DIAPH3: variants seen among roughly 807,000 people sequenced by gnomAD.
The protein encoded by DIAPH3 is protein diaphanous homolog 3.
Under a neutral mutation model 144.3 loss-of-function variants are expected in DIAPH3, and 117 were observed. The ratio of observed to expected loss-of-function variants is 0.81; its 90% CI spans 0.70 to 0.95. The LOEUF is 0.95. Ranked by LOEUF, DIAPH3 falls within the 40% of genes least tolerant of loss-of-function variation. The probability of loss-of-function intolerance (pLI) is 0.00; values close to 1 mark genes in which losing one functional copy is unlikely to be tolerated. For missense variants in DIAPH3, 1,421 were observed against 1,412.7 expected (o/e 1.01, Z -0.09); for synonymous variants, 519 against 488.9 (o/e 1.06, Z -0.81).
At chr13:59,756,331 TA>T (rs532116927) in intron 27 of DIAPH3, among the ~76,000 whole-genome samples, 16 of 151,932 alleles carry the variant, frequency 1.1e-4, no homozygotes, top group Admixed American at 2.6e-4. Context: ...ACATAAACTT[TA>T]AAAAAGTTAT....
intron 20 of DIAPH3, among the ~76,000 whole-genome samples, chr13:59,909,771 T>C (rs779748606): frequency 1.3e-5 from 2 of 152,142 alleles, no homozygotes; most frequent in Non-Finnish European, 2.9e-5. Flanking sequence ...CCAGATTAAG[T>C]TTGAGTTGAC....
intron 18 of DIAPH3, among the ~76,000 whole-genome samples, chr13:59,922,816 TA>T (rs1187825796): frequency 1.3e-5 from 2 of 152,142 alleles, no homozygotes; most frequent in African/African-American, 4.8e-5. Flanking sequence ...ATACTCTAGC[TA>T]AATTAAACAA....
chr13:59,928,055 C>T (rs527826858), intron 17 of DIAPH3, among the ~76,000 whole-genome samples: 18 of 152,206 alleles, frequency 1.2e-4, no homozygotes, highest in African/African-American at 3.1e-4. Flanking sequence ...CCACATGTCA[C>T]GCAGACTTTT....
intron 1 of DIAPH3, among the ~76,000 whole-genome samples, 192 bp from the exon 2 acceptor site, chr13:60,133,181 G>A (rs1339522014): frequency 6.6e-6 from 1 of 151,848 alleles, no homozygotes; most frequent in Non-Finnish European, 1.5e-5. Context: ...CCCTGCGTGT[G>A]ATAGTTCCAA....
intron 17 of DIAPH3, among the ~76,000 whole-genome samples, chr13:59,942,407 T>C (rs1442197994): frequency 3.3e-5 from 5 of 152,154 alleles, no homozygotes; most frequent in African/African-American, 1.2e-4. Context: ...AAGTTGCCTT[T>C]TTATTTTCTA....
chr13:60,163,446 G>T, intron 1 of DIAPH3, 141 bp downstream of exon 1: 1 of 1,186,404 alleles, frequency 8.4e-7, no homozygotes, highest in Non-Finnish European at 1.2e-6. Context: ...AACTAGACCC[G>T]GTCGTTGTCA....
chr13:60,040,226 C>CAAAAAA (rs5803983), intron 5 of DIAPH3, among the ~76,000 whole-genome samples: 34 of 34,816 alleles, frequency 9.8e-4, no homozygotes, highest in Admixed American at 1.9e-3. Context: ...GACTCCATCT[C>CAAAAAA]AAAAAAAAAA....
intron 3 of DIAPH3, among the ~76,000 whole-genome samples, chr13:60,097,519 G>C (rs545308898): frequency 6.6e-6 from 1 of 152,254 alleles, no homozygotes; most frequent in Admixed American, 6.5e-5. Flanking sequence ...GCAGATGCTG[G>C]TCCCATGCTT....
At chr13:59,827,396 A>G (rs1302832847) in intron 24 of DIAPH3, among the ~76,000 whole-genome samples, 1 of 152,100 alleles carries the variant, frequency 6.6e-6, no homozygotes, top group Non-Finnish European at 1.5e-5. Flanking sequence ...CATTTTTAAT[A>G]AGTATAATTT....
At chr13:59,979,948 T>C (rs1409793454) in intron 14 of DIAPH3, among the ~76,000 whole-genome samples, 3 of 151,804 alleles carry the variant, frequency 2.0e-5, no homozygotes, top group East Asian at 1.9e-4. Flanking sequence ...AAAAGTCTAA[T>C]AGGTACTTGC....
rs1032407789 is a variant in DIAPH3, at chr13:59,723,484, C to A, written c.3319+50705G>T. On this transcript the variant is annotated intron_variant, in intron 27 of 27. Coordinates refer to ENST00000400324, the MANE Select transcript of DIAPH3 (RefSeq NM_001042517.2). ...TTGTGTGTGTGTGTGTATGTGTGTGCGTGTGTGGTCTTTCCCCACCAATCT... is the reference window on the plus strand; with the variant it reads ...TTGTGTGTGTGTGTGTATGTGTGTGAGTGTGTGGTCTTTCCCCACCAATCT... Among the ~76,000 whole-genome samples, 3 of 151,898 alleles carry A rather than the reference C, an allele frequency of 2.0e-5. No individual in the cohort carries two copies. The South Asian group carries it at 6.2e-4, about 32-fold the overall frequency.
chr13:60,065,371 A>C (rs1472125321), intron 4 of DIAPH3, among the ~76,000 whole-genome samples: 1 of 152,014 alleles, frequency 6.6e-6, no homozygotes. Flanking sequence ...TACAACTATT[A>C]TAATTTCTTC....
At chr13:60,051,875 C>T (rs1293886061) in intron 4 of DIAPH3, among the ~76,000 whole-genome samples, 1 of 152,054 alleles carries the variant, frequency 6.6e-6, no homozygotes, top group Non-Finnish European at 1.5e-5. Flanking sequence ...GTGAGAACAC[C>T]GAGCTGAAGG....
chr13:59,742,850 C>T (rs1230272129), intron 27 of DIAPH3, among the ~76,000 whole-genome samples: 1 of 152,058 alleles, frequency 6.6e-6, no homozygotes, highest in African/African-American at 2.4e-5. Context: ...TGACATGACT[C>T]AACAGAAATA....
At chr13:60,062,244 T>C (rs1264230356) in intron 4 of DIAPH3, among the ~76,000 whole-genome samples, 1 of 152,158 alleles carries the variant, frequency 6.6e-6, no homozygotes, top group African/African-American at 2.4e-5. Flanking sequence ...ATTAAAACCA[T>C]ATTGGGGCTA....
At chr13:60,069,328 G>A (rs1414429248) in intron 4 of DIAPH3, among the ~76,000 whole-genome samples, 1 of 151,660 alleles carries the variant, frequency 6.6e-6, no homozygotes, top group African/African-American at 2.4e-5. Context: ...TTTTAATGGG[G>A]TTGTTTTTTG....
chr13:59,700,029 T>C (rs560267532), intron 27 of DIAPH3, among the ~76,000 whole-genome samples: 1 of 152,316 alleles, frequency 6.6e-6, no homozygotes, highest in South Asian at 2.1e-4. Flanking sequence ...TTGTATATGG[T>C]GTATCTCCTT....
At chr13:59,747,675 G>C (rs1340743589) in intron 27 of DIAPH3, among the ~76,000 whole-genome samples, 1 of 152,114 alleles carries the variant, frequency 6.6e-6, no homozygotes, top group East Asian at 1.9e-4. Flanking sequence ...TTTCCTCTTG[G>C]GCTTCAGTTA....
intron 27 of DIAPH3, among the ~76,000 whole-genome samples, chr13:59,724,355 A>G (rs1770670341): frequency 6.6e-6 from 1 of 152,198 alleles, no homozygotes; most frequent in South Asian, 2.1e-4. Flanking sequence ...GAGACTGTCT[A>G]AAGAATTTAA....
Sources: gnomAD v4.1 joint callset for allele counts (sites outside exome capture counted in the v4.1 genomes callset) on GRCh38, gnomAD v4.1.1 for gene constraint, MANE v1.5 for transcripts, NCBI Gene and HGNC (gene_info 2026-07-23, HGNC 2026-07-21) for gene names.